Variants in GALNT7 observed in about 807,000 individuals in gnomAD.
GALNT7 encodes the protein polypeptide N-acetylgalactosaminyltransferase 7.
Under a neutral mutation model 82.1 loss-of-function variants are expected in GALNT7, and 60 were observed. The ratio of observed to expected loss-of-function variants is 0.73; its 90% CI spans 0.59 to 0.91. GALNT7 has a LOEUF of 0.91. Ranked by LOEUF, GALNT7 falls within the 40% of genes least tolerant of loss-of-function variation. The pLI is 0.00. For synonymous variants in GALNT7, 243 were observed against 275.1 expected (o/e 0.88, Z 1.15); for missense variants, 660 against 804.2 (o/e 0.82, Z 2.17).
chr4:173,194,645 T>A (rs1253869285), intron 1 of GALNT7, among the ~76,000 whole-genome samples: 2 of 152,232 alleles, frequency 1.3e-5, no homozygotes, highest in Non-Finnish European at 2.9e-5. Context: ...TTTATTAGTT[T>A]TTTTTATGTT....
intron 1 of GALNT7, among the ~76,000 whole-genome samples, chr4:173,222,040 T>C (rs1733660011): frequency 1.3e-5 from 2 of 152,174 alleles, no homozygotes; most frequent in African/African-American, 4.8e-5. Flanking sequence ...CTGTAGTTTC[T>C]CAGTGCTGGT....
At chr4:173,178,079 C>A (rs1218038064) in intron 1 of GALNT7, among the ~76,000 whole-genome samples, 5 of 141,448 alleles carry the variant, frequency 3.5e-5, no homozygotes, top group African/African-American at 5.5e-5. Flanking sequence ...GCACAGACAC[C>A]TATGTATATA....
chr4:173,212,730 GAC>G lies in GALNT7; in HGVS notation c.127-35246_127-35245del, dbSNP rs1308739132. Among the ~76,000 whole-genome samples, 6 of 74,126 alleles carry G rather than the reference GAC, an allele frequency of 8.1e-5. 1 individual carries two copies. In the South Asian group the frequency reaches 1.8e-3, roughly 22 times the overall value. The allele number at this position is 74,126 out of a possible 152,430, so 48.6% of individuals were successfully genotyped here. On this transcript the variant is annotated intron_variant, in intron 1 of 11. Transcript: ENST00000265000. ...ATAATAAAATGATTTAAAATATTTT[GAC>G]ACATGTCTATTGGACATATCAATAC...
intron 1 of GALNT7, among the ~76,000 whole-genome samples, chr4:173,175,215 C>T (rs1731998746): frequency 6.6e-6 from 1 of 152,168 alleles, no homozygotes; most frequent in Non-Finnish European, 1.5e-5. Context: ...TGAAAAGTAA[C>T]TAAATTAAAG....
chr4:173,205,770 A>G (rs1173930658), intron 1 of GALNT7, among the ~76,000 whole-genome samples: 1 of 152,156 alleles, frequency 6.6e-6, no homozygotes, highest in African/African-American at 2.4e-5. Flanking sequence ...ACCTGGGGTC[A>G]TAGAGGCTGG....
intron 1 of GALNT7, among the ~76,000 whole-genome samples, chr4:173,209,476 C>A (rs561447178): frequency 6.6e-6 from 1 of 152,246 alleles, no homozygotes; most frequent in Non-Finnish European, 1.5e-5. Context: ...TAATTCTAGT[C>A]TTCTCTGATC....
rs181949455 is a variant in GALNT7, at chr4:173,180,804, A to G, written c.126+11843A>G. Among the ~76,000 whole-genome samples the G allele has an allele frequency of 1.2e-4, 18 of 152,330 alleles. No homozygotes were observed. The East Asian group carries it at 3.5e-3, about 29-fold the overall frequency. Reference sequence around the variant, plus strand: ...CTTCTCCTGGTAGTTTTCTTCTGGCAGTTCAGTATTTTGCCATGCAATTTT... The same window carrying G: ...CTTCTCCTGGTAGTTTTCTTCTGGCGGTTCAGTATTTTGCCATGCAATTTT... On this transcript the variant is annotated intron_variant, in intron 1 of 11. Coordinates refer to ENST00000265000, the MANE Select transcript of GALNT7 (RefSeq NM_017423.3).
At chr4:173,178,060 C>CTGTGTGT (rs1561142214) in intron 1 of GALNT7, among the ~76,000 whole-genome samples, 3 of 123,578 alleles carry the variant, frequency 2.4e-5, no homozygotes, top group African/African-American at 1.4e-4. Flanking sequence ...TGTGCGCGCA[C>CTGTGTGT]GCGCGTGCGC....
intron 1 of GALNT7, among the ~76,000 whole-genome samples, chr4:173,179,928 A>G (rs1244850821): frequency 6.6e-6 from 1 of 152,194 alleles, no homozygotes; most frequent in Non-Finnish European, 1.5e-5. Flanking sequence ...TTCTGTAGAT[A>G]TGAAGTAAAT....
chr4:173,217,171 C>A (rs1733497479), intron 1 of GALNT7, among the ~76,000 whole-genome samples: 1 of 152,016 alleles, frequency 6.6e-6, no homozygotes, highest in Admixed American at 6.6e-5. Context: ...CCCAGTTAAC[C>A]AGAGAATGGT....
intron 8 of GALNT7, among the ~76,000 whole-genome samples, chr4:173,307,747 C>A (rs1737212733): frequency 6.6e-6 from 1 of 152,164 alleles, no homozygotes; most frequent in Admixed American, 6.5e-5. Context: ...GGGGCAGGCC[C>A]AGTGCAGCCA....
chr4:173,168,944 C>T lies in GALNT7; in HGVS notation c.109C>T (p.Pro37Ser), dbSNP rs1451314872. ...GACCCCGCGGCCGGACGACCCAAGC[C>T]CGCTGAGCAGGATGAGGGTGAGTGA... Reference protein sequence around the residue: ...SLTPRPDDPSPLSRMREDRDV... With the variant: ...SLTPRPDDPSSLSRMREDRDV... Residue 37 changes from proline to serine, a missense_variant, in exon 1 of 12, where the codon CCG (proline) becomes TCG (serine). Pro to Ser is a moderately conservative substitution (Grantham distance 74, BLOSUM62 -1). Transcript: ENST00000265000. 8 of 1,613,694 alleles carry T rather than the reference C, an allele frequency of 5.0e-6. No homozygotes were observed. Among genetic ancestry groups the T allele is most frequent in the Non-Finnish European group, 6.8e-6 (8 of 1,179,780 alleles).
intron 1 of GALNT7, among the ~76,000 whole-genome samples, chr4:173,205,320 T>A (rs965768718): frequency 6.7e-6 from 1 of 149,312 alleles, no homozygotes; most frequent in Non-Finnish European, 1.5e-5. Context: ...TGAGTGTGAG[T>A]CTACAGAGGC....
At chr4:173,310,050 C>T (rs1037735876) in intron 8 of GALNT7, among the ~76,000 whole-genome samples, 1 of 152,164 alleles carries the variant, frequency 6.6e-6, no homozygotes, top group African/African-American at 2.4e-5. Flanking sequence ...TTAGTGAGTA[C>T]CCAGCATGTG....
At chr4:173,295,709 A>G in intron 4 of GALNT7, 55 bp from the exon 5 acceptor site, 1 of 1,199,158 alleles carries the variant, frequency 8.3e-7, no homozygotes, top group Admixed American at 1.7e-5. Context: ...ATTGTGTGTA[A>G]TATATGATGT....
intron 8 of GALNT7, among the ~76,000 whole-genome samples, chr4:173,306,072 C>T (rs1425026298): frequency 2.0e-5 from 3 of 152,016 alleles, no homozygotes; most frequent in Non-Finnish European, 4.4e-5. Context: ...CAATTTATTT[C>T]ATCAGTGTTT....
At position 173,197,828 on chromosome 4, in the gene GALNT7, C is replaced by CT. The variant is rs751835730; in HGVS notation, c.126+28868dup. On this transcript the variant is annotated intron_variant, in intron 1 of 11. Coordinates refer to ENST00000265000, the MANE Select transcript of GALNT7 (RefSeq NM_017423.3). ...GACCAGAAGGTTGTGAATTTGAGTT[C>CT]TGGTCCATCTTCTTGGCAGCTGGGT... 1.3e-4 allele frequency among the ~76,000 whole-genome samples: 20 copies of CT among 152,252 alleles called. No homozygotes were observed. The East Asian group carries it at 1.5e-3, about 12-fold the overall frequency.
At chr4:173,210,419 C>A (rs1001175334) in intron 1 of GALNT7, among the ~76,000 whole-genome samples, 1 of 152,094 alleles carries the variant, frequency 6.6e-6, no homozygotes, top group Non-Finnish European at 1.5e-5. Flanking sequence ...CTATCAAAAG[C>A]CAGGGAGAAC....
intron 2 of GALNT7, among the ~76,000 whole-genome samples, chr4:173,266,963 A>G (rs1735524924): frequency 6.7e-6 from 1 of 148,604 alleles, no homozygotes; most frequent in Non-Finnish European, 1.5e-5. Context: ...GGGTTGGCTA[A>G]TGGCTATAAA....
Sources: gnomAD v4.1 joint callset for allele counts (sites outside exome capture counted in the v4.1 genomes callset) on GRCh38, gnomAD v4.1.1 for gene constraint, MANE v1.5 for transcripts, NCBI Gene and HGNC (gene_info 2026-07-23, HGNC 2026-07-21) for gene names.